Variants in NXPH2 observed in about 807,000 individuals in gnomAD.
NXPH2 encodes the protein neurexophilin-2.
A neutral mutation model predicts 19.8 loss-of-function variants in NXPH2; 5 were observed. The ratio of observed to expected loss-of-function variants is 0.25; its 90% CI spans 0.13 to 0.53. The LOEUF (loss-of-function observed/expected upper bound fraction) is 0.53, where lower values mean the gene tolerates loss of function less well. Among genes scored for constraint, NXPH2 ranks in the 20% least tolerant of loss-of-function variants. The pLI, the probability that NXPH2 is intolerant of heterozygous loss-of-function variation, is 0.96. For missense variants in NXPH2, 289 were observed against 322.8 expected, an observed-to-expected ratio of 0.90 and a Z score of 0.80; for synonymous variants, 154 against 127.4, an observed-to-expected ratio of 1.21 and a Z score of -1.41.
chr2:138,780,160 G>C, intron 1 of NXPH2, 31 bp downstream of exon 1: 2 of 1,474,738 alleles, frequency 1.4e-6, no homozygotes, highest in Non-Finnish European at 8.9e-7. Context: ...CGTCCCCGGC[G>C]TGTGGGACGG....
intron 1 of NXPH2, among the ~76,000 whole-genome samples, chr2:138,691,958 T>A (rs141335520): frequency 6.6e-6 from 1 of 152,292 alleles, no homozygotes; most frequent in African/African-American, 2.4e-5. Context: ...CTTTAAGACA[T>A]CAAATTTTAT....
At position 138,708,810 on chromosome 2, in the gene NXPH2, T is replaced by C. The variant is rs759905402; in HGVS notation, c.52-37145A>G. Among the ~76,000 whole-genome samples, 37 of 152,284 alleles carry C rather than the reference T, an allele frequency of 2.4e-4. No individual in the cohort carries two copies. The South Asian group carries it at 2.5e-3, about 10-fold the overall frequency. On this transcript the variant is annotated intron_variant, in intron 1 of 1. Coordinates refer to ENST00000272641, the MANE Select transcript of NXPH2 (RefSeq NM_007226.3). Reference sequence around the variant, plus strand: ...AGGCTGGAGGACATTTATCAAAGCATAGGGACATCGGGACTGAAAACAAGG... The same window carrying C: ...AGGCTGGAGGACATTTATCAAAGCACAGGGACATCGGGACTGAAAACAAGG...
At chr2:138,715,026 C>T (rs919952156) in intron 1 of NXPH2, among the ~76,000 whole-genome samples, 1 of 152,132 alleles carries the variant, frequency 6.6e-6, no homozygotes, top group Non-Finnish European at 1.5e-5. Context: ...AAATTTGAAG[C>T]AAAATATGGG....
intron 1 of NXPH2, among the ~76,000 whole-genome samples, chr2:138,771,335 T>G (rs920555007): frequency 1.3e-5 from 2 of 152,134 alleles, no homozygotes; most frequent in Admixed American, 6.5e-5. Context: ...GTGCATGATA[T>G]AATTATTATA....
At chr2:138,721,303 T>C (rs1203251202) in intron 1 of NXPH2, among the ~76,000 whole-genome samples, 1 of 150,190 alleles carries the variant, frequency 6.7e-6, no homozygotes, top group African/African-American at 2.5e-5. Context: ...ATTGCACCAC[T>C]GCACTCCAAG....
At chr2:138,753,682 C>G (rs1043650462) in intron 1 of NXPH2, among the ~76,000 whole-genome samples, 2 of 152,124 alleles carry the variant, frequency 1.3e-5, no homozygotes, top group Non-Finnish European at 2.9e-5. Flanking sequence ...GTCACCAACT[C>G]TAATTCATCA....
intron 1 of NXPH2, among the ~76,000 whole-genome samples, chr2:138,755,234 G>A (rs1168013574): frequency 6.6e-6 from 1 of 152,014 alleles, no homozygotes; most frequent in Non-Finnish European, 1.5e-5. Context: ...TTCGCAAAGT[G>A]TGCCTCTATA....
chr2:138,760,903 A>T lies in NXPH2; in HGVS notation c.51+19288T>A, dbSNP rs555287018. 5.9e-5 allele frequency among the ~76,000 whole-genome samples: 9 copies of T among 152,168 alleles called. 1 individual carries two copies. The highest frequency in any genetic ancestry group is 1.3e-4 in the Admixed American group (2 of 15,274). On this transcript the variant is annotated intron_variant, in intron 1 of 1. Coordinates refer to ENST00000272641, the MANE Select transcript of NXPH2 (RefSeq NM_007226.3). ...GTCAAATGCTGGTGGGAGAACAATC[A>T]TTTCAACTCCAGATAGAAAGTGAGC... is the stretch of plus-strand genomic sequence containing the variant.
At chr2:138,730,192 C>T (rs1681426397) in intron 1 of NXPH2, among the ~76,000 whole-genome samples, 1 of 143,110 alleles carries the variant, frequency 7.0e-6, no homozygotes, top group Non-Finnish European at 1.5e-5. Context: ...CCCACCCCAC[C>T]CTTTTTTTTT....
chr2:138,712,354 G>A (rs1017823080), intron 1 of NXPH2, among the ~76,000 whole-genome samples: 1 of 152,152 alleles, frequency 6.6e-6, no homozygotes, highest in Non-Finnish European at 1.5e-5. Context: ...GTCAAAACAG[G>A]AATTTCTCTG....
At chr2:138,719,011 C>T (rs1032162949) in intron 1 of NXPH2, among the ~76,000 whole-genome samples, 5 of 152,040 alleles carry the variant, frequency 3.3e-5, no homozygotes, top group African/African-American at 9.7e-5. Flanking sequence ...AATGATAACC[C>T]TAGAAAAATT....
chr2:138,739,384 A>G (rs933021844), intron 1 of NXPH2, among the ~76,000 whole-genome samples: 1 of 152,212 alleles, frequency 6.6e-6, no homozygotes, highest in African/African-American at 2.4e-5. Context: ...AGAGGGAGAG[A>G]TAGTTACTAG....
At chr2:138,686,073 C>G (rs879024676) in intron 1 of NXPH2, among the ~76,000 whole-genome samples, 1 of 152,146 alleles carries the variant, frequency 6.6e-6, no homozygotes, top group Non-Finnish European at 1.5e-5. Flanking sequence ...CCTCTCACAA[C>G]TTTTTATTTC....
chr2:138,722,576 G>C (rs2104994660), intron 1 of NXPH2, among the ~76,000 whole-genome samples: 1 of 152,322 alleles, frequency 6.6e-6, no homozygotes, highest in South Asian at 2.1e-4. Flanking sequence ...GCAGTGTTGA[G>C]TGCAGACTGT....
intron 1 of NXPH2, among the ~76,000 whole-genome samples, chr2:138,778,746 G>T (rs1180943916): frequency 6.6e-6 from 1 of 152,100 alleles, no homozygotes; most frequent in East Asian, 1.9e-4. Context: ...TTAAAGCAAG[G>T]GATACTAAAG....
At chr2:138,720,628 C>G (rs947020977) in intron 1 of NXPH2, among the ~76,000 whole-genome samples, 8 of 152,206 alleles carry the variant, frequency 5.3e-5, no homozygotes, top group Non-Finnish European at 5.9e-5. Context: ...GAGTGTGCAG[C>G]TCTTTGAAGG....
intron 1 of NXPH2, among the ~76,000 whole-genome samples, chr2:138,674,835 C>T (rs1680462202): frequency 6.6e-6 from 1 of 152,212 alleles, no homozygotes; most frequent in Non-Finnish European, 1.5e-5. Flanking sequence ...TAGTCTACTA[C>T]CTATTTTTCA....
intron 1 of NXPH2, among the ~76,000 whole-genome samples, chr2:138,757,346 G>A (rs114711506): frequency 0.015 from 2,215 of 152,206 alleles, 56 homozygotes; most frequent in African/African-American, 0.05. Context: ...TGCTGCTGCC[G>A]ATCTGCTGCA....
At chr2:138,675,970 TG>T (rs2104965780) in intron 1 of NXPH2, among the ~76,000 whole-genome samples, 1 of 152,064 alleles carries the variant, frequency 6.6e-6, no homozygotes, top group East Asian at 1.9e-4. Flanking sequence ...TGTGTGTGTG[TG>T]TGTGTGTGTG....
Sources: allele counts gnomAD v4.1 joint callset (sites outside exome capture counted in the v4.1 genomes callset), GRCh38; gene constraint gnomAD v4.1.1; transcripts MANE v1.5; gene names NCBI Gene and HGNC (gene_info 2026-07-23, HGNC 2026-07-21).